Variants in SLC25A40 observed in about 807,000 individuals in gnomAD.
SLC25A40 encodes solute carrier family 25 member 40, also known as mitochondrial glutathione transporter SLC25A40.
In SLC25A40, 41 loss-of-function variants were observed where a neutral mutation model predicts 46.5. That is an observed-to-expected ratio of 0.88 (90% CI 0.69 to 1.14). SLC25A40 has a LOEUF of 1.14. Ranked by LOEUF, SLC25A40 falls within the 50% of genes most tolerant of loss-of-function variation. The probability of loss-of-function intolerance (pLI) is 0.00; values close to 1 mark genes in which losing one functional copy is unlikely to be tolerated. For synonymous variants in SLC25A40, 126 were observed against 127.5 expected (o/e 0.99, Z 0.08); for missense variants, 386 against 393.6 (o/e 0.98, Z 0.16).
chr7:87,839,586 T>C (rs550846431), intron 10 of SLC25A40, among the ~76,000 whole-genome samples: 3 of 151,758 alleles, frequency 2.0e-5, no homozygotes, highest in South Asian at 4.1e-4. Flanking sequence ...ATTAATAATA[T>C]ATGACACACT....
At chr7:87,850,608 A>G (rs2131005197) in intron 5 of SLC25A40, among the ~76,000 whole-genome samples, 1 of 152,078 alleles carries the variant, frequency 6.6e-6, no homozygotes, top group African/African-American at 2.4e-5. Context: ...TCTCTACAAA[A>G]AGCTAAAAAA....
At chr7:87,845,128 G>C (rs1030373622) in intron 8 of SLC25A40, among the ~76,000 whole-genome samples, 5 of 152,002 alleles carry the variant, frequency 3.3e-5, no homozygotes, top group African/African-American at 9.7e-5. Context: ...AAAAACAAAA[G>C]ATTTTTCATA....
Position 87,836,112 on chromosome 7 carries a change from G to A in SLC25A40, c.*137C>T. 1.9e-6 allele frequency: 1 copy of A among 525,258 alleles called. No homozygotes were observed. Among genetic ancestry groups the A allele is most frequent in the East Asian group, 3.5e-5 (1 of 28,232 alleles). 32.5% of individuals were successfully genotyped at this position (525,258 alleles called of 1,614,324 possible). On this transcript the variant is annotated 3_prime_UTR_variant, in exon 12 of 12. Transcript: ENST00000341119. ...ATTTTAAAATTATGATTTAGAGGTA[G>A]AGCTGAAATTATTTATTTAAATTAT...
intron 4 of SLC25A40, among the ~76,000 whole-genome samples, 184 bp downstream of exon 4, chr7:87,856,108 T>C (rs1198745718): frequency 1.3e-5 from 2 of 152,088 alleles, no homozygotes; most frequent in Non-Finnish European, 2.9e-5. Context: ...ATAAATATTA[T>C]GTATTTATTT....
intron 1 of SLC25A40, among the ~76,000 whole-genome samples, chr7:87,871,187 G>A (rs926351533): frequency 6.6e-6 from 1 of 152,206 alleles, no homozygotes; most frequent in Non-Finnish European, 1.5e-5. Context: ...ATGCACTCCA[G>A]TTCCCATGCA....
Position 87,834,308 on chromosome 7 carries a change from C to T in SLC25A40, c.*1941G>A, listed in dbSNP as rs920050921. The T allele has an allele frequency of 6.6e-6, 1 of 151,752 alleles. No homozygotes were observed. The highest frequency in any genetic ancestry group is 2.4e-5 in the African/African-American group (1 of 41,370). The allele number at this position is 151,752 out of a possible 1,614,324, so 9.4% of individuals were successfully genotyped here. On this transcript the variant is annotated 3_prime_UTR_variant, in exon 12 of 12. Coordinates refer to ENST00000341119, the MANE Select transcript of SLC25A40 (RefSeq NM_018843.4). ...TTTAAAATTTTACCTATTCCATAGA[C>T]TGAATTTTTCTAGGTACTATTTTAA...
At chr7:87,846,815 T>C (rs1485420208) in intron 8 of SLC25A40, 134 bp downstream of exon 8, 5 of 582,214 alleles carry the variant, frequency 8.6e-6, no homozygotes, top group African/African-American at 1.9e-5. Context: ...AGCCCAACAA[T>C]GAAAAAGGAG....
chr7:87,851,987 GT>G, intron 5 of SLC25A40, among the ~76,000 whole-genome samples: 1 of 152,126 alleles, frequency 6.6e-6, no homozygotes, highest in Admixed American at 6.5e-5. Context: ...CATTATAATA[GT>G]TAAACTAAGT....
chr7:87,869,540 A>AG (rs1838862426), intron 1 of SLC25A40, among the ~76,000 whole-genome samples: 1 of 151,678 alleles, frequency 6.6e-6, no homozygotes, highest in East Asian at 1.9e-4. Context: ...CTGTTCCAAA[A>AG]AAAAAAAAAA....
chr7:87,850,095 T>G, intron 5 of SLC25A40, 147 bp from the exon 6 acceptor site: 2 of 560,400 alleles, frequency 3.6e-6, no homozygotes, highest in Non-Finnish European at 6.2e-6. Context: ...CCATTCTTTT[T>G]AAAAAGGGAA....
At chr7:87,842,923 T>C (rs372159729) in intron 9 of SLC25A40, among the ~76,000 whole-genome samples, 5 of 152,084 alleles carry the variant, frequency 3.3e-5, no homozygotes, top group African/African-American at 4.8e-5. Flanking sequence ...TTTTGTTCAA[T>C]AGACTTATAA....
chr7:87,861,086 T>C (rs1838691278), intron 1 of SLC25A40, among the ~76,000 whole-genome samples: 1 of 152,172 alleles, frequency 6.6e-6, no homozygotes, highest in African/African-American at 2.4e-5. Flanking sequence ...TAGGTCTAAC[T>C]TCCAAGTCAC....
chr7:87,849,558 A>C (rs1013302958), intron 6 of SLC25A40, among the ~76,000 whole-genome samples: 1 of 152,246 alleles, frequency 6.6e-6, no homozygotes, highest in African/African-American at 2.4e-5. Context: ...TGATAGAAGG[A>C]TAAGCACATC....
intron 5 of SLC25A40, among the ~76,000 whole-genome samples, chr7:87,851,103 G>A (rs1435690957): frequency 6.6e-6 from 1 of 152,112 alleles, no homozygotes. Flanking sequence ...TTATATCCAA[G>A]AGAAATTAAA....
intron 2 of SLC25A40, 119 bp from the exon 3 acceptor site, chr7:87,858,870 CCAAA>C (rs1353225504): frequency 1.9e-5 from 12 of 630,268 alleles, no homozygotes; most frequent in East Asian, 1.7e-4. Context: ...AGAGAATTAA[CCAAA>C]CAGATACTGA....
intron 10 of SLC25A40, among the ~76,000 whole-genome samples, chr7:87,837,819 C>A (rs1259170285): frequency 2.0e-5 from 3 of 151,204 alleles, no homozygotes; most frequent in Admixed American, 6.6e-5. Flanking sequence ...GAATGAAGGG[C>A]AAACAATCCT....
chr7:87,856,187 G>A, intron 4 of SLC25A40, 105 bp downstream of exon 4: 1 of 987,132 alleles, frequency 1.0e-6, no homozygotes, highest in East Asian at 2.4e-5. Context: ...AGGATAAAGA[G>A]GCATCAATTT....
In SLC25A40 at chr7:87,849,940, A is replaced by G; in HGVS notation, c.273T>C (p.Phe91=). ...TGCCCTCATTTCGAATGATTTTAAAAAATGCATCCTAAAGTTATAATAGAA... is the reference window on the plus strand; with the variant it reads ...TGCCCTCATTTCGAATGATTTTAAAGAATGCATCCTAAAGTTATAATAGAA... ...PGNFQGTLDA[F]FKIIRNEGIK... Residue 91 remains phenylalanine, a synonymous_variant, in exon 6 of 12, where the codon TTT becomes TTC. Coordinates refer to ENST00000341119, the MANE Select transcript of SLC25A40 (RefSeq NM_018843.4). 6.3e-7 allele frequency: 1 copy of G among 1,597,528 alleles called. No individual in the cohort carries two copies. The highest frequency in any genetic ancestry group is 1.1e-5 in the South Asian group (1 of 87,474).
intron 1 of SLC25A40, among the ~76,000 whole-genome samples, chr7:87,870,209 T>C (rs1481627973): frequency 6.6e-6 from 1 of 151,550 alleles, no homozygotes; most frequent in Non-Finnish European, 1.5e-5. Context: ...ACCAGATATA[T>C]TAGATGCAAA....
Sources: allele counts gnomAD v4.1 joint callset (sites outside exome capture counted in the v4.1 genomes callset), GRCh38; gene constraint gnomAD v4.1.1; transcripts MANE v1.5; gene names NCBI Gene and HGNC (gene_info 2026-07-23, HGNC 2026-07-21).